Variants in RGS7 observed in about 807,000 individuals in gnomAD.
The protein encoded by RGS7 is regulator of G-protein signaling 7.
Under a neutral mutation model 81.1 loss-of-function variants are expected in RGS7, and 27 were observed. The observed-to-expected ratio is 0.33, with a 90% CI of 0.25 to 0.46. The LOEUF (loss-of-function observed/expected upper bound fraction) is 0.46. RGS7 is among the 20% of genes least tolerant of loss of function. The probability of loss-of-function intolerance (pLI) is 1.00; values close to 1 mark genes in which losing one functional copy is unlikely to be tolerated. For missense variants in RGS7, 396 were observed against 607.4 expected, an observed-to-expected ratio of 0.65 and a Z score of 3.66; for synonymous variants, 208 against 207.7, an observed-to-expected ratio of 1.00 and a Z score of -0.01.
intron 3 of RGS7, among the ~76,000 whole-genome samples, chr1:241,042,087 T>C (rs923005444): frequency 8.5e-5 from 13 of 152,194 alleles, no homozygotes; most frequent in African/African-American, 1.7e-4. Context: ...CCATAGTATA[T>C]AGAGAAAGAA....
chr1:241,224,757 T>G (rs1046420363), intron 2 of RGS7, among the ~76,000 whole-genome samples: 1 of 152,122 alleles, frequency 6.6e-6, no homozygotes, highest in Non-Finnish European at 1.5e-5. Context: ...CCATAGTCAA[T>G]CATTGTGTTG....
chr1:240,895,533 C>A (rs573810634), intron 6 of RGS7, among the ~76,000 whole-genome samples: 1 of 151,978 alleles, frequency 6.6e-6, no homozygotes, highest in African/African-American at 2.4e-5. Flanking sequence ...TGAGAACATG[C>A]GGTGCTTGGT....
chr1:240,893,407 A>G (rs779521241), intron 6 of RGS7, among the ~76,000 whole-genome samples: 7 of 152,194 alleles, frequency 4.6e-5, no homozygotes, highest in Non-Finnish European at 1.0e-4. Flanking sequence ...AGAGCTCGTC[A>G]GGAGTTAATT....
At position 241,014,824 on chromosome 1, in the gene RGS7, C is replaced by T. The variant is rs61832483; in HGVS notation, c.176-31695G>A. 4.8e-3 allele frequency among the ~76,000 whole-genome samples: 725 copies of T among 152,254 alleles called. 1 individual carries two copies. Among genetic ancestry groups the T allele is most frequent in the Middle Eastern group, 6.8e-3 (2 of 294 alleles). On this transcript the variant is annotated intron_variant, in intron 3 of 18. Transcript: ENST00000440928. Reference sequence around the variant, plus strand: ...ATACATCATTCCTGGATCTGGTGATCGGAAAAGGCATTTCAGCTGGCCATG... The same window carrying T: ...ATACATCATTCCTGGATCTGGTGATTGGAAAAGGCATTTCAGCTGGCCATG...
intron 10 of RGS7, among the ~76,000 whole-genome samples, chr1:240,820,287 C>T (rs1051288846): frequency 6.6e-6 from 1 of 152,118 alleles, no homozygotes; most frequent in Non-Finnish European, 1.5e-5. Flanking sequence ...ATTTGCAATG[C>T]TTTGGCTTGA....
intron 10 of RGS7, among the ~76,000 whole-genome samples, chr1:240,822,552 A>G (rs984331820): frequency 2.0e-5 from 3 of 152,204 alleles, no homozygotes; most frequent in Non-Finnish European, 2.9e-5. Flanking sequence ...TTAAACTTCT[A>G]TTTAATGCAT....
intron 4 of RGS7, among the ~76,000 whole-genome samples, chr1:240,965,207 T>C (rs145801089): frequency 2.7e-4 from 41 of 152,340 alleles, no homozygotes; most frequent in Non-Finnish European, 5.3e-4. Flanking sequence ...CTCCTAGGCC[T>C]CTACTGTCCT....
At chr1:241,097,213 AT>A (rs1249517232) in intron 3 of RGS7, among the ~76,000 whole-genome samples, 1 of 151,872 alleles carries the variant, frequency 6.6e-6, no homozygotes. Flanking sequence ...AACAAGCAGA[AT>A]GGCCTGTAAG....
At chr1:241,146,853 C>T (rs1388037264) in intron 2 of RGS7, among the ~76,000 whole-genome samples, 3 of 152,128 alleles carry the variant, frequency 2.0e-5, no homozygotes, top group Admixed American at 2.0e-4. Context: ...CTTTCTGATT[C>T]ATAGATGATG....
chr1:240,925,183 T>G (rs73118005), intron 6 of RGS7, among the ~76,000 whole-genome samples: 6,569 of 152,196 alleles, frequency 0.043, 454 homozygotes, highest in African/African-American at 0.14. Context: ...ATGGGTATAT[T>G]GCATGATACT....
In RGS7 at chr1:241,156,596, C is replaced by T. The variant is rs1405769978; in HGVS notation, c.79-57834G>A. ...AAAGGGGAGAGGAGGGGAGGGGAGA[C>T]GAGGGGAGGGGAGGGGAGGGGAAAT... On this transcript the variant is annotated intron_variant, in intron 2 of 18. Coordinates refer to ENST00000440928, the MANE Select transcript of RGS7 (RefSeq NM_001364886.1). Among the ~76,000 whole-genome samples the T allele has an allele frequency of 4.7e-4, 38 of 81,692 alleles. No individual in the cohort carries two copies. The East Asian group carries it at 8.1e-3, about 17-fold the overall frequency. 53.6% of individuals were successfully genotyped at this position (81,692 alleles called of 152,430 possible).
chr1:240,908,470 T>C (rs1382244), intron 6 of RGS7, among the ~76,000 whole-genome samples: 1 of 151,950 alleles, frequency 6.6e-6, no homozygotes, highest in African/African-American at 2.4e-5. Flanking sequence ...TAAGCCCACA[T>C]GAACAAATGA....
In RGS7 at chr1:240,907,746, C is replaced by T. The variant is rs141393821; in HGVS notation, c.385+22971G>A. ...ATCTTATCCCGTAATAAGTGAGCAA[C>T]GTTCTGTTTCCCCTCACCCCTCAAT... On this transcript the variant is annotated intron_variant, in intron 6 of 18. Coordinates refer to ENST00000440928, the MANE Select transcript of RGS7 (RefSeq NM_001364886.1). 2.6e-5 allele frequency among the ~76,000 whole-genome samples: 4 copies of T among 152,228 alleles called. No individual in the cohort carries two copies. The East Asian group carries it at 5.8e-4, about 22-fold the overall frequency.
chr1:241,321,929 A>G (rs560254530), intron 2 of RGS7, among the ~76,000 whole-genome samples: 2 of 152,236 alleles, frequency 1.3e-5, no homozygotes, highest in East Asian at 3.9e-4. Context: ...TTGATTAACC[A>G]CATGTCCCTT....
intron 2 of RGS7, among the ~76,000 whole-genome samples, chr1:241,165,751 G>A (rs1301672315): frequency 6.7e-6 from 1 of 149,934 alleles, no homozygotes; most frequent in Non-Finnish European, 1.5e-5. Context: ...TGAACATTGT[G>A]CACATGTACC....
chr1:240,979,065 A>G (rs1684551744), intron 4 of RGS7, among the ~76,000 whole-genome samples: 1 of 152,250 alleles, frequency 6.6e-6, no homozygotes, highest in South Asian at 2.1e-4. Flanking sequence ...AAAAGGCATT[A>G]CAGGTATCTA....
At chr1:240,838,390 G>A (rs1290260561) in intron 9 of RGS7, among the ~76,000 whole-genome samples, 1 of 152,124 alleles carries the variant, frequency 6.6e-6, no homozygotes, top group African/African-American at 2.4e-5. Context: ...CATGAATTTG[G>A]GGAGGACACA....
chr1:241,069,944 G>A (rs2062330580), intron 3 of RGS7, among the ~76,000 whole-genome samples: 1 of 152,254 alleles, frequency 6.6e-6, no homozygotes. Flanking sequence ...AAAGGTATTG[G>A]TATCCTCATT....
intron 2 of RGS7, among the ~76,000 whole-genome samples, chr1:241,327,108 A>AAG (rs1553320741): frequency 9.7e-6 from 1 of 103,620 alleles, no homozygotes; most frequent in Non-Finnish European, 2.1e-5. Context: ...GAAAGAAAGA[A>AAG]AGAAAGAAAG....
Sources: gnomAD v4.1 joint callset for allele counts (sites outside exome capture counted in the v4.1 genomes callset) on GRCh38, gnomAD v4.1.1 for gene constraint, MANE v1.5 for transcripts, NCBI Gene and HGNC (gene_info 2026-07-23, HGNC 2026-07-21) for gene names.